The following TRAPPC9 variants were observed in gnomAD, a reference collection of about 807,000 sequenced individuals.
TRAPPC9 encodes IKK2 binding protein.
Under a neutral mutation model 124.0 loss-of-function variants are expected in TRAPPC9, and 83 were observed. That is an observed-to-expected ratio of 0.67 (90% CI 0.56 to 0.80). The LOEUF is 0.80. TRAPPC9 is among the 30% of genes least tolerant of loss of function. The probability of loss-of-function intolerance (pLI) is 0.00; values close to 1 mark genes in which losing one functional copy is unlikely to be tolerated. For missense variants in TRAPPC9, 1,302 were observed against 1,508.3 expected, an observed-to-expected ratio of 0.86 and a Z score of 2.27; for synonymous variants, 638 against 617.5, an observed-to-expected ratio of 1.03 and a Z score of -0.49.
In TRAPPC9 at chr8:139,825,481, C is replaced by T. The variant is rs1365523463; in HGVS notation, c.3055+60398G>A. On this transcript the variant is annotated intron_variant, in intron 21 of 22. Coordinates refer to ENST00000438773, the MANE Select transcript of TRAPPC9 (RefSeq NM_001160372.4). This position sits in a 1 kb window ranked among gnomAD's most constrained non-coding sequence, Gnocchi z 4.6. ...GATGGGCACCAGGGCCAGGTGGGGGCTGCATGGGTCCCATGCCCAACCTCA... is the reference window on the plus strand; with the variant it reads ...GATGGGCACCAGGGCCAGGTGGGGGTTGCATGGGTCCCATGCCCAACCTCA... Among the ~76,000 whole-genome samples, 1 of 152,184 alleles carries T rather than the reference C, an allele frequency of 6.6e-6. No homozygotes were observed. Among genetic ancestry groups the T allele is most frequent in the Non-Finnish European group, 1.5e-5 (1 of 68,028 alleles).
chr8:140,201,416 A>C (rs1351171410), intron 17 of TRAPPC9, among the ~76,000 whole-genome samples: 2 of 152,152 alleles, frequency 1.3e-5, no homozygotes, highest in African/African-American at 2.4e-5. Flanking sequence ...CAAACAAACA[A>C]AACTGTTTCT....
At chr8:140,159,030 C>T (rs151250403) in intron 17 of TRAPPC9, among the ~76,000 whole-genome samples, 316 of 152,310 alleles carry the variant, frequency 2.1e-3, no homozygotes, top group African/African-American at 7.3e-3. Flanking sequence ...ATGTGTAAGA[C>T]AGAGTCTCTG....
rs142440393 is a variant in TRAPPC9 at position 140,102,433 on chromosome 8, T to C, written c.2557-78354A>G. ...GTATTTGGCACATAGTGCTAGACAA[T>C]AAATATTTGTCCAATAAATAAAATA... is the stretch of plus-strand genomic sequence containing the variant. On this transcript the variant is annotated intron_variant, in intron 17 of 22. Coordinates refer to ENST00000438773, the MANE Select transcript of TRAPPC9 (RefSeq NM_001160372.4). Among the ~76,000 whole-genome samples, 75 of 152,134 alleles carry C rather than the reference T, an allele frequency of 4.9e-4. 1 individual carries two copies. The East Asian group carries it at 0.012, about 25-fold the overall frequency.
At chr8:140,061,645 T>C (rs1007552086) in intron 17 of TRAPPC9, among the ~76,000 whole-genome samples, 5 of 151,908 alleles carry the variant, frequency 3.3e-5, no homozygotes, top group Non-Finnish European at 5.9e-5. Context: ...GAAAAGGAGG[T>C]GTAGACAGGC....
At chr8:139,898,229 G>A (rs1830788350) in intron 20 of TRAPPC9, among the ~76,000 whole-genome samples, 1 of 152,240 alleles carries the variant, frequency 6.6e-6, no homozygotes, top group Admixed American at 6.5e-5. Context: ...GCTGCCCCTT[G>A]GCTCTGGGCC....
intron 19 of TRAPPC9, among the ~76,000 whole-genome samples, chr8:139,924,700 C>A (rs115575426): frequency 6.6e-6 from 1 of 152,190 alleles, no homozygotes; most frequent in African/African-American, 2.4e-5. Context: ...CTCGCTATAC[C>A]CATCAGTCTG....
intron 5 of TRAPPC9, among the ~76,000 whole-genome samples, chr8:140,418,003 C>G (rs1040868266): frequency 1.3e-5 from 2 of 152,108 alleles, no homozygotes; most frequent in African/African-American, 4.8e-5. Context: ...TAAGTGGGAG[C>G]TGAACAATGG....
chr8:139,833,064 T>G (rs1826095476), intron 21 of TRAPPC9, among the ~76,000 whole-genome samples: 1 of 152,124 alleles, frequency 6.6e-6, no homozygotes, highest in Admixed American at 6.5e-5. Context: ...GGGGGTGGCC[T>G]CTGGGAGCTG....
intron 19 of TRAPPC9, among the ~76,000 whole-genome samples, chr8:139,950,732 TC>T (rs1834584651): frequency 6.6e-6 from 1 of 152,118 alleles, no homozygotes; most frequent in Non-Finnish European, 1.5e-5. Context: ...GTCCCAGAAA[TC>T]AACAACTTAA....
chr8:139,798,336 A>G (rs1251212605), intron 21 of TRAPPC9, among the ~76,000 whole-genome samples: 1 of 152,162 alleles, frequency 6.6e-6, no homozygotes, highest in Non-Finnish European at 1.5e-5. Flanking sequence ...AACACAATTG[A>G]TTTTTGTATA....
At chr8:140,049,652 GA>G (rs1204247216) in intron 17 of TRAPPC9, among the ~76,000 whole-genome samples, 1 of 151,804 alleles carries the variant, frequency 6.6e-6, no homozygotes, top group Admixed American at 6.6e-5. Context: ...ATATACAGCT[GA>G]AAGGGGAAGG....
chr8:140,253,830 C>T (rs1588019898), intron 15 of TRAPPC9, among the ~76,000 whole-genome samples: 3 of 152,294 alleles, frequency 2.0e-5, no homozygotes, highest in East Asian at 1.9e-4. Flanking sequence ...GACTTTGGTG[C>T]CTTTTTGACA....
At chr8:140,362,768 A>T (rs1269729771) in intron 8 of TRAPPC9, among the ~76,000 whole-genome samples, 1 of 152,212 alleles carries the variant, frequency 6.6e-6, no homozygotes, top group African/African-American at 2.4e-5. Flanking sequence ...CTAGCCATGA[A>T]TTCAGAAAGA....
At chr8:140,230,786 G>A (rs6421020) in intron 16 of TRAPPC9, among the ~76,000 whole-genome samples, 3 of 151,434 alleles carry the variant, frequency 2.0e-5, no homozygotes, top group African/African-American at 7.3e-5. Context: ...CAAAAAAAAA[G>A]AAAAAAAAAG....
In TRAPPC9 at chr8:139,885,860, G is replaced by A. The variant is rs1475052676; in HGVS notation, c.3055+19C>T. The A allele has an allele frequency of 2.6e-6, 4 of 1,554,026 alleles. No homozygotes were observed. Among genetic ancestry groups the A allele is most frequent in the East Asian group, 2.4e-5 (1 of 41,382 alleles). On this transcript the variant is annotated intron_variant, in intron 21 of 22. Coordinates refer to ENST00000438773, the MANE Select transcript of TRAPPC9 (RefSeq NM_001160372.4). ...GAGCACATCCACCCAGAATCGATGG[G>A]TGGCTGGCGGGTACTCACCCCACTG...
At chr8:139,970,170 G>A (rs1179173185) in intron 19 of TRAPPC9, among the ~76,000 whole-genome samples, 1 of 152,282 alleles carries the variant, frequency 6.6e-6, no homozygotes, top group African/African-American at 2.4e-5. Flanking sequence ...GAAGCACCTC[G>A]GAAACAGGCG....
chr8:139,860,756 G>A (rs371531110), intron 21 of TRAPPC9, among the ~76,000 whole-genome samples: 14 of 152,226 alleles, frequency 9.2e-5, no homozygotes, highest in Admixed American at 4.6e-4. Flanking sequence ...AATGCCTGTC[G>A]CCGTCCGTGG....
At chr8:140,339,768 G>C (rs929667955) in intron 9 of TRAPPC9, among the ~76,000 whole-genome samples, 4 of 152,086 alleles carry the variant, frequency 2.6e-5, no homozygotes, top group African/African-American at 9.7e-5. Context: ...TTCTCACATG[G>C]TCCTGATACA....
At chr8:139,853,779 C>T (rs1175532310) in intron 21 of TRAPPC9, among the ~76,000 whole-genome samples, 1 of 152,064 alleles carries the variant, frequency 6.6e-6, no homozygotes, top group East Asian at 1.9e-4. Context: ...AGGGTAGAGC[C>T]GGGACAGAGG....
Sources: gnomAD v4.1 joint callset for allele counts (sites outside exome capture counted in the v4.1 genomes callset) on GRCh38, gnomAD v4.1.1 for gene constraint, Gnocchi (gnomAD v3.1) non-coding constraint, MANE v1.5 for transcripts, NCBI Gene and HGNC (gene_info 2026-07-23, HGNC 2026-07-21) for gene names.